The following HTT variants were observed in gnomAD, a reference collection of about 807,000 sequenced individuals.
The protein encoded by HTT is huntingtin, also known as huntington disease protein.
A neutral mutation model predicts 362.3 loss-of-function variants in HTT; 104 were observed. That is an observed-to-expected ratio of 0.29 (90% CI 0.24 to 0.34). HTT has a LOEUF of 0.34. Ranked by LOEUF, HTT falls within the 10% of genes least tolerant of loss-of-function variation. The pLI is 1.00. For synonymous variants in HTT, 1,577 were observed against 1,548.7 expected (o/e 1.02, Z -0.43); for missense variants, 3,301 against 3,928.6 (o/e 0.84, Z 4.27).
chr4:3,189,030 C>T lies in HTT; in HGVS notation c.5305C>T (p.His1769Tyr). 1 of 1,613,912 alleles carries T rather than the reference C, an allele frequency of 6.2e-7. No individual in the cohort carries two copies. Among genetic ancestry groups the T allele is most frequent in the Non-Finnish European group, 8.5e-7 (1 of 1,179,784 alleles). ...QLKVEMSEQQ[H>Y]TFYCQELGTL... ...GAAGGTGGAAATGAGTGAGCAGCAACATACTTTCTATTGCCAGGAACTAGG... is the reference window on the plus strand; with the variant it reads ...GAAGGTGGAAATGAGTGAGCAGCAATATACTTTCTATTGCCAGGAACTAGG... Residue 1769 changes from histidine (H) to tyrosine (Y), a missense_variant, in exon 40 of 67, where the codon CAT becomes TAT. This residue lies in a region of HTT where 2,316 missense variants were observed against 2,658.5 expected (regional missense o/e 0.87). Transcript: ENST00000355072.
At chr4:3,084,198 CTTTTTT>C (rs4038024) in intron 1 of HTT, among the ~76,000 whole-genome samples, 3 of 81,952 alleles carry the variant, frequency 3.7e-5, no homozygotes, top group African/African-American at 4.5e-5. Flanking sequence ...AATGCTTTGT[CTTTTTT>C]TTTTTTTTTT....
chr4:3,167,583 C>G (rs538332944), intron 29 of HTT, among the ~76,000 whole-genome samples: 1 of 151,450 alleles, frequency 6.6e-6, no homozygotes, highest in Admixed American at 6.6e-5. Flanking sequence ...TTTTTTTTAA[C>G]CTTATTATTA....
intron 12 of HTT, 120 bp from the exon 13 acceptor site, chr4:3,129,804 T>C: frequency 8.6e-7 from 1 of 1,163,852 alleles, no homozygotes; most frequent in Non-Finnish European, 1.3e-6. Flanking sequence ...AAATGACAGA[T>C]GAGTACATTT....
intron 57 of HTT, among the ~76,000 whole-genome samples, chr4:3,226,764 C>T (rs768269082): frequency 1.3e-5 from 2 of 152,226 alleles, no homozygotes; most frequent in Non-Finnish European, 2.9e-5. Flanking sequence ...GCAGCCTTCA[C>T]AGCAGAAACC....
At chr4:3,212,932 C>T (rs1369943496) in intron 49 of HTT, 14 of 543,796 alleles carry the variant, frequency 2.6e-5, no homozygotes. Flanking sequence ...GCCAGGTCCC[C>T]TTCTCATCTG....
chr4:3,092,817 G>A (rs1713584630), intron 2 of HTT, among the ~76,000 whole-genome samples: 1 of 152,238 alleles, frequency 6.6e-6, no homozygotes. Flanking sequence ...CCTTGAAATA[G>A]TTGAAAACGG....
chr4:3,181,571 T>G (rs1326467303), intron 36 of HTT, among the ~76,000 whole-genome samples: 1 of 152,202 alleles, frequency 6.6e-6, no homozygotes, highest in East Asian at 1.9e-4. Flanking sequence ...TTGTCAATTC[T>G]TTTTAGCTGT....
In HTT at chr4:3,218,460, C is replaced by G. The variant is rs1173679266; in HGVS notation, c.7242+508C>G. Among the ~76,000 whole-genome samples the G allele has an allele frequency of 1.3e-5, 2 of 152,068 alleles. No homozygotes were observed. Among genetic ancestry groups the G allele is most frequent in the Non-Finnish European group, 2.9e-5 (2 of 68,010 alleles). On this transcript the variant is annotated intron_variant, in intron 52 of 66. Coordinates refer to ENST00000355072, the MANE Select transcript of HTT (RefSeq NM_001388492.1). This position sits in a 1 kb window ranked among gnomAD's most constrained non-coding sequence, Gnocchi z 4.4. ...CCAGCCTGGCCAACATGGTGAAACC[C>G]CATCTCTACTAAAAATATAAAAATT...
chr4:3,084,873 G>C (rs377285349), intron 1 of HTT, among the ~76,000 whole-genome samples: 245 of 151,804 alleles, frequency 1.6e-3, no homozygotes, highest in Middle Eastern at 6.8e-3. Context: ...AATTAGCCGG[G>C]TATAGTGGTG....
chr4:3,219,028 T>C (rs1720551390), intron 52 of HTT, among the ~76,000 whole-genome samples: 1 of 152,184 alleles, frequency 6.6e-6, no homozygotes, highest in Non-Finnish European at 1.5e-5. Flanking sequence ...GAGATAAGGA[T>C]TCTGCCGCAG....
At chr4:3,211,017 C>T (rs1299932473) in intron 47 of HTT, among the ~76,000 whole-genome samples, 1 of 150,476 alleles carries the variant, frequency 6.6e-6, no homozygotes, top group African/African-American at 2.5e-5. Context: ...ATTCTCCTGC[C>T]TCAGCCTCCC....
In HTT at chr4:3,177,397, T is replaced by C. The variant is rs746189202; in HGVS notation, c.4463+10T>C. The C allele has an allele frequency of 6.5e-6, 10 of 1,546,902 alleles. No individual in the cohort carries two copies. In the Admixed American group the frequency reaches 1.0e-4, roughly 16 times the overall value. Reference sequence around the variant, plus strand: ...AAGTGGGCCAGTTCAGGTAATAGCATTTTATTATTTTAGATTTTTTTCTTC... The same window carrying C: ...AAGTGGGCCAGTTCAGGTAATAGCACTTTATTATTTTAGATTTTTTTCTTC... On this transcript the variant is annotated intron_variant, in intron 34 of 66. Coordinates refer to ENST00000355072, the MANE Select transcript of HTT (RefSeq NM_001388492.1).
intron 1 of HTT, among the ~76,000 whole-genome samples, chr4:3,085,111 A>C (rs1713139500): frequency 6.6e-6 from 1 of 151,564 alleles, no homozygotes; most frequent in South Asian, 2.1e-4. Flanking sequence ...GCTTGATTAC[A>C]CAATTAGAGG....
chr4:3,124,796 G>T (rs1715449631), intron 10 of HTT, among the ~76,000 whole-genome samples: 1 of 152,104 alleles, frequency 6.6e-6, no homozygotes, highest in Admixed American at 6.5e-5. Context: ...TCACATCATT[G>T]TAAGTTTATG....
At chr4:3,182,527 G>T (rs1386811585) in intron 37 of HTT, 57 bp downstream of exon 37, 2 of 1,088,444 alleles carry the variant, frequency 1.8e-6, no homozygotes, top group African/African-American at 3.1e-5. Flanking sequence ...TAAGGTCCTT[G>T]TGAAAGGTGG....
chr4:3,222,978 C>A (rs1230174985), intron 54 of HTT, among the ~76,000 whole-genome samples: 1 of 152,074 alleles, frequency 6.6e-6, no homozygotes, highest in Non-Finnish European at 1.5e-5. Flanking sequence ...GGAATGCAGG[C>A]CCTTGATTCT....
intron 26 of HTT, 119 bp downstream of exon 26, chr4:3,148,326 G>A: frequency 1.3e-6 from 1 of 758,830 alleles, no homozygotes; most frequent in Non-Finnish European, 2.1e-6. Context: ...GAACAAAATT[G>A]CTCAGATTGT....
chr4:3,237,274 G>A lies in HTT; in HGVS notation c.8891+1020G>A, dbSNP rs184433229. 5.6e-4 allele frequency among the ~76,000 whole-genome samples: 85 copies of A among 152,240 alleles called. No individual in the cohort carries two copies. The East Asian group carries it at 0.014, about 24-fold the overall frequency. ...TTTTTAGTAGAGACGGGGTTTCACC[G>A]TGTTGGCTGGGCTGGTCTCGAACTC... is the stretch of plus-strand genomic sequence containing the variant. On this transcript the variant is annotated intron_variant, in intron 64 of 66. Coordinates refer to ENST00000355072, the MANE Select transcript of HTT (RefSeq NM_001388492.1).
intron 61 of HTT, among the ~76,000 whole-genome samples, chr4:3,233,976 C>T (rs565651709): frequency 1.9e-4 from 29 of 152,378 alleles, no homozygotes; most frequent in African/African-American, 6.5e-4. Flanking sequence ...TAGGCTTCTG[C>T]ACACGGGAGC....
Sources: allele counts gnomAD v4.1 joint callset (sites outside exome capture counted in the v4.1 genomes callset), GRCh38; gene constraint gnomAD v4.1.1; regional missense constraint gnomAD v4.1.1; non-coding constraint Gnocchi (gnomAD v3.1); transcripts MANE v1.5; gene names NCBI Gene and HGNC (gene_info 2026-07-23, HGNC 2026-07-21).